DAB1: variants seen among roughly 807,000 people sequenced by gnomAD.
DAB1 encodes disabled homolog 1.
In DAB1, 15 loss-of-function variants were observed where a neutral mutation model predicts 64.6. The observed-to-expected ratio is 0.23, with a 90% confidence interval of 0.16 to 0.36. The LOEUF is 0.36. Ranked by LOEUF, DAB1 falls within the 10% of genes least tolerant of loss-of-function variation. The probability of loss-of-function intolerance (pLI) is 1.00; values close to 1 mark genes in which losing one functional copy is unlikely to be tolerated. For missense variants in DAB1, 596 were observed against 706.7 expected (o/e 0.84, Z 1.78); for synonymous variants, 235 against 251.9 (o/e 0.93, Z 0.64).
intron 4 of DAB1, among the ~76,000 whole-genome samples, chr1:58,332,614 G>A (rs183517841): frequency 2.0e-5 from 3 of 152,262 alleles, no homozygotes; most frequent in South Asian, 4.2e-4. Context: ...AGAATGACCC[G>A]TTAGCAACAA....
chr1:57,299,377 T>C (rs1205139193), intron 1 of DAB1, among the ~76,000 whole-genome samples: 4 of 152,238 alleles, frequency 2.6e-5, no homozygotes, highest in Non-Finnish European at 5.9e-5. Flanking sequence ...ATTCTTGTTA[T>C]TCAGACATCA....
At chr1:58,403,204 G>C (rs537237581) in intron 3 of DAB1, among the ~76,000 whole-genome samples, 4 of 151,468 alleles carry the variant, frequency 2.6e-5, no homozygotes, top group South Asian at 2.1e-4. Context: ...TTGGTCACTT[G>C]TTTCTTATGA....
In DAB1 at chr1:57,917,317, G is replaced by A. The variant is rs545814816; in HGVS notation, n.388-33155C>T. Among the ~76,000 whole-genome samples the A allele has an allele frequency of 2.6e-5, 4 of 152,276 alleles. No individual in the cohort carries two copies. In the South Asian group the frequency reaches 8.3e-4, roughly 32 times the overall value. On this transcript the variant is annotated intron_variant and non_coding_transcript_variant, in intron 5 of 20. Coordinates refer to the DAB1 transcript ENST00000485760. ...AGGTGTTCCTAAAGGATCCCAGACA[G>A]CCCTGGTGTCAGCCGACTGTACTTT...
chr1:57,363,050 C>T (rs1261231548), intron 1 of DAB1, among the ~76,000 whole-genome samples: 1 of 152,106 alleles, frequency 6.6e-6, no homozygotes, highest in Non-Finnish European at 1.5e-5. Context: ...AATGAATTTG[C>T]CCTGTAATTT....
intron 1 of DAB1, among the ~76,000 whole-genome samples, chr1:58,536,308 G>T (rs1417429991): frequency 3.9e-5 from 6 of 152,118 alleles, no homozygotes; most frequent in African/African-American, 1.4e-4. Context: ...GTGCTGAGCA[G>T]GAGTTAGCTG....
chr1:58,191,041 C>G (rs1657362947), intron 4 of DAB1, among the ~76,000 whole-genome samples: 1 of 152,036 alleles, frequency 6.6e-6, no homozygotes, highest in East Asian at 1.9e-4. Context: ...GGGTCCAAGG[C>G]CTGAGTATAT....
chr1:57,068,425 T>A (rs1651134354), intron 8 of DAB1, among the ~76,000 whole-genome samples: 1 of 152,224 alleles, frequency 6.6e-6, no homozygotes, highest in South Asian at 2.1e-4. Flanking sequence ...TAACATTATA[T>A]TTTAGTCATT....
chr1:58,011,083 T>C (rs981479779), intron 5 of DAB1, among the ~76,000 whole-genome samples: 13 of 152,344 alleles, frequency 8.5e-5, no homozygotes, highest in African/African-American at 3.1e-4. Context: ...GAAATCTCCC[T>C]GATCTCTTAT....
chr1:58,458,035 A>C (rs976885979), intron 3 of DAB1, among the ~76,000 whole-genome samples: 13 of 152,244 alleles, frequency 8.5e-5, no homozygotes, highest in African/African-American at 2.7e-4. Flanking sequence ...TAAGTGCTGA[A>C]TATGCCATTT....
chr1:58,377,638 G>C (rs1280588507), intron 3 of DAB1, among the ~76,000 whole-genome samples: 1 of 139,212 alleles, frequency 7.2e-6, no homozygotes, highest in Admixed American at 7.1e-5. Flanking sequence ...CAACTTTGGT[G>C]AATCTGACAA....
At chr1:58,294,693 G>A (rs61781881) in intron 4 of DAB1, among the ~76,000 whole-genome samples, 1 of 152,114 alleles carries the variant, frequency 6.6e-6, no homozygotes, top group Admixed American at 6.6e-5. Context: ...GTTAATTACA[G>A]CCAGCACAGA....
chr1:58,404,295 A>G (rs1444799975), intron 3 of DAB1, among the ~76,000 whole-genome samples: 12 of 152,208 alleles, frequency 7.9e-5, no homozygotes. Flanking sequence ...CTGACAAGAC[A>G]CTGTGCCTCG....
At chr1:58,422,827 A>T (rs1432172749) in intron 3 of DAB1, among the ~76,000 whole-genome samples, 5 of 152,080 alleles carry the variant, frequency 3.3e-5, no homozygotes, top group Non-Finnish European at 7.4e-5. Flanking sequence ...AAAAAGAAAA[A>T]AATCAAGCCT....
chr1:58,419,841 T>A (rs1477274277), intron 3 of DAB1, among the ~76,000 whole-genome samples: 1 of 152,188 alleles, frequency 6.6e-6, no homozygotes, highest in Non-Finnish European at 1.5e-5. Context: ...GTTCCCAGAA[T>A]TCTAAAGTTT....
At chr1:57,708,717 T>A (rs377254177) in intron 6 of DAB1, among the ~76,000 whole-genome samples, 4 of 152,270 alleles carry the variant, frequency 2.6e-5, no homozygotes, top group African/African-American at 9.6e-5. Flanking sequence ...TCCACTGTGA[T>A]ACGACAGTAC....
intron 4 of DAB1, among the ~76,000 whole-genome samples, chr1:58,318,725 T>C (rs992495509): frequency 1.3e-5 from 2 of 152,228 alleles, no homozygotes; most frequent in African/African-American, 4.8e-5. Context: ...ATTTGACTAA[T>C]GGCCTCAGGC....
intron 5 of DAB1, among the ~76,000 whole-genome samples, chr1:57,933,418 A>G (rs1464790176): frequency 6.9e-6 from 1 of 144,026 alleles, no homozygotes; most frequent in African/African-American, 2.9e-5. Flanking sequence ...AGAAAACCAG[A>G]AGTCTCCTTT....
chr1:57,474,976 C>T (rs969372979), intron 7 of DAB1, among the ~76,000 whole-genome samples: 2 of 152,074 alleles, frequency 1.3e-5, no homozygotes, highest in African/African-American at 4.8e-5. Context: ...AGAAATTGGC[C>T]TGGCTGGGCA....
intron 7 of DAB1, among the ~76,000 whole-genome samples, chr1:57,636,754 A>T (rs1646062001): frequency 6.6e-6 from 1 of 152,176 alleles, no homozygotes; most frequent in African/African-American, 2.4e-5. Flanking sequence ...AAGGTTATGG[A>T]AGGAATAGCT....
Sources: allele counts gnomAD v4.1 joint callset (sites outside exome capture counted in the v4.1 genomes callset), GRCh38; gene constraint gnomAD v4.1.1; transcripts MANE v1.5; gene names NCBI Gene and HGNC (gene_info 2026-07-23, HGNC 2026-07-21).